SHOC2: variants seen among roughly 807,000 people sequenced by gnomAD.
SHOC2 encodes the protein leucine-rich repeat protein SHOC-2.
SHOC2 carries 4 observed loss-of-function variants against 50.2 expected under a neutral mutation model. The ratio of observed to expected loss-of-function variants is 0.08; its 90% CI spans 0.04 to 0.18. The LOEUF (loss-of-function observed/expected upper bound fraction) is 0.18, where lower values mean the gene tolerates loss of function less well. Among genes scored for constraint, SHOC2 ranks in the 10% least tolerant of loss-of-function variants. SHOC2 has a pLI of 1.00. For missense variants in SHOC2, 388 were observed against 669.6 expected, an observed-to-expected ratio of 0.58 and a Z score of 4.64; for synonymous variants, 218 against 244.5, an observed-to-expected ratio of 0.89 and a Z score of 1.01.
chr10:110,996,804 A>G (rs1185879620), intron 3 of SHOC2, among the ~76,000 whole-genome samples: 1 of 152,216 alleles, frequency 6.6e-6, no homozygotes. Context: ...GCTCTGCACT[A>G]GAGTTCTGAC....
intron 1 of SHOC2, among the ~76,000 whole-genome samples, chr10:110,956,312 C>T (rs1847461562): frequency 6.6e-6 from 1 of 152,144 alleles, no homozygotes; most frequent in Non-Finnish European, 1.5e-5. Flanking sequence ...CTCCCGGGTT[C>T]AAGTGATTCT....
In SHOC2 at chr10:111,009,058, C is replaced by T. The variant is rs79372114; in HGVS notation, c.1285-190C>T. Among the ~76,000 whole-genome samples, 2,970 of 152,110 alleles carry T rather than the reference C, an allele frequency of 0.02. 53 individuals are homozygous for T. Among genetic ancestry groups the T allele is most frequent in the Middle Eastern group, 0.068 (20 of 294 alleles). On this transcript the variant is annotated intron_variant, in intron 6 of 8. Transcript: ENST00000369452. Reference sequence around the variant, plus strand: ...TAGTTTTGATATAATCAAATAAAATCTCTTTTCTAATAACTATGGTGTTTT... The same window carrying T: ...TAGTTTTGATATAATCAAATAAAATTTCTTTTCTAATAACTATGGTGTTTT...
At chr10:110,939,291 T>C (rs1847091423) in intron 1 of SHOC2, among the ~76,000 whole-genome samples, 1 of 152,128 alleles carries the variant, frequency 6.6e-6, no homozygotes, top group Non-Finnish European at 1.5e-5. Flanking sequence ...CCATCATGGC[T>C]CACTGTAGCT....
upstream of SHOC2, chr10:110,919,561 C>T (rs997573531): frequency 6.9e-5 from 8 of 115,194 alleles, no homozygotes; most frequent in Admixed American, 1.2e-3. Flanking sequence ...GAGGGGCGGG[C>T]GGGGGGCGGC....
intron 4 of SHOC2, among the ~76,000 whole-genome samples, chr10:111,001,236 G>A (rs1049161281): frequency 4.0e-5 from 6 of 148,426 alleles, no homozygotes; most frequent in Non-Finnish European, 5.9e-5. Context: ...TGGCTCGGCT[G>A]CAACCTCTGC....
intron 2 of SHOC2, among the ~76,000 whole-genome samples, chr10:110,981,349 A>G (rs765628211): frequency 9.9e-5 from 15 of 152,216 alleles, no homozygotes; most frequent in Non-Finnish European, 1.8e-4. Context: ...GTCTGAATGA[A>G]TGAATTAATG....
chr10:110,988,604 G>A (rs1005731487), intron 3 of SHOC2, among the ~76,000 whole-genome samples: 1 of 152,076 alleles, frequency 6.6e-6, no homozygotes, highest in South Asian at 2.1e-4. Flanking sequence ...ATTCTGGTTA[G>A]AAGTATATCA....
Position 111,011,607 on chromosome 10 carries a change from C to T in SHOC2, c.1541-3C>T. 4 of 1,605,468 alleles carry T rather than the reference C, an allele frequency of 2.5e-6. No individual in the cohort carries two copies. The highest frequency in any genetic ancestry group is 3.4e-6 in the Non-Finnish European group (4 of 1,173,162). ...AAAAAAAATTGATTTTTTTTTTAAA[C>T]AGGTACACTGGAGAACCTAGAAGAA... is the stretch of plus-strand genomic sequence containing the variant. On this transcript the variant is annotated splice_region_variant and splice_polypyrimidine_tract_variant and intron_variant, in intron 8 of 8. Coordinates refer to ENST00000369452, the MANE Select transcript of SHOC2 (RefSeq NM_007373.4).
intron 1 of SHOC2, among the ~76,000 whole-genome samples, chr10:110,941,620 C>A (rs967134125): frequency 2.0e-5 from 3 of 152,084 alleles, no homozygotes; most frequent in Non-Finnish European, 4.4e-5. Flanking sequence ...CTGTGCCTGG[C>A]GTAATGTTGA....
intron 3 of SHOC2, among the ~76,000 whole-genome samples, chr10:110,997,633 T>C (rs2134164605): frequency 6.6e-6 from 1 of 152,302 alleles, no homozygotes; most frequent in Non-Finnish European, 1.5e-5. Flanking sequence ...ATAGACATAC[T>C]ACAGAATGAA....
chr10:110,985,481 A>G, intron 2 of SHOC2, 147 bp from the exon 3 acceptor site: 1 of 558,008 alleles, frequency 1.8e-6, no homozygotes, highest in Non-Finnish European at 3.1e-6. Context: ...ATGATTTAAA[A>G]TTTTAAAATA....
chr10:110,942,836 G>T (rs934901619), intron 1 of SHOC2, among the ~76,000 whole-genome samples: 2 of 152,126 alleles, frequency 1.3e-5, no homozygotes, highest in Admixed American at 6.5e-5. Flanking sequence ...TAGAATTCTT[G>T]TTAGACAGTT....
chr10:111,008,926 G>C (rs139508406), intron 6 of SHOC2, among the ~76,000 whole-genome samples: 103 of 152,138 alleles, frequency 6.8e-4, no homozygotes, highest in Non-Finnish European at 1.3e-3. Flanking sequence ...TTAAGTAATG[G>C]TTTGTAAGGG....
intron 1 of SHOC2, among the ~76,000 whole-genome samples, chr10:110,922,944 A>G (rs1163869650): frequency 3.9e-5 from 6 of 152,092 alleles, no homozygotes; most frequent in Non-Finnish European, 8.8e-5. Context: ...GAGTACTTCA[A>G]ATATTAAGTG....
chr10:110,923,174 C>T (rs1430508697), intron 1 of SHOC2, among the ~76,000 whole-genome samples: 1 of 151,852 alleles, frequency 6.6e-6, no homozygotes, highest in African/African-American at 2.4e-5. Context: ...AATATTTTCT[C>T]TTAATATATT....
chr10:110,979,359 A>G (rs949298588), intron 2 of SHOC2, among the ~76,000 whole-genome samples: 5 of 152,226 alleles, frequency 3.3e-5, no homozygotes, highest in African/African-American at 9.6e-5. Context: ...TGAATCACAA[A>G]TGTGACATCC....
chr10:110,952,053 C>A (rs1371766147), intron 1 of SHOC2, among the ~76,000 whole-genome samples: 1 of 152,146 alleles, frequency 6.6e-6, no homozygotes, highest in African/African-American at 2.4e-5. Flanking sequence ...TAGATTGTTA[C>A]AGACAATGAA....
At chr10:110,937,307 A>C (rs1016669622) in intron 1 of SHOC2, 7 of 696,500 alleles carry the variant, frequency 1.0e-5, no homozygotes, top group Non-Finnish European at 1.6e-5. Context: ...AGTGATGCCA[A>C]ATGAGGTCTG....
intron 1 of SHOC2, among the ~76,000 whole-genome samples, chr10:110,961,809 G>T (rs944530376): frequency 3.3e-5 from 5 of 151,984 alleles, no homozygotes; most frequent in African/African-American, 1.2e-4. Context: ...CATTAATACA[G>T]TTTCTTTCTT....
Sources: gnomAD v4.1 joint callset for allele counts (sites outside exome capture counted in the v4.1 genomes callset) on GRCh38, gnomAD v4.1.1 for gene constraint, MANE v1.5 for transcripts, NCBI Gene and HGNC (gene_info 2026-07-23, HGNC 2026-07-21) for gene names.